FMNL2: variants seen among roughly 807,000 people sequenced by gnomAD.
The protein encoded by FMNL2 is formin-like protein 2.
In FMNL2, 51 loss-of-function variants were observed where a neutral mutation model predicts 130.2. The ratio of observed to expected loss-of-function variants is 0.39; its 90% CI spans 0.31 to 0.49. The LOEUF is 0.49. Ranked by LOEUF, FMNL2 falls within the 20% of genes least tolerant of loss-of-function variation. FMNL2 has a pLI of 0.85. For missense variants in FMNL2, 977 were observed against 1,316.2 expected (o/e 0.74, Z 3.99); for synonymous variants, 465 against 467.1 (o/e 1.00, Z 0.06).
chr2:152,642,056 T>G (rs1421986781), intron 25 of FMNL2, among the ~76,000 whole-genome samples: 1 of 152,110 alleles, frequency 6.6e-6, no homozygotes, highest in African/African-American at 2.4e-5. Flanking sequence ...TTCTTCTGCC[T>G]CAGCCTCCCA....
intron 1 of FMNL2, among the ~76,000 whole-genome samples, chr2:152,481,290 C>G (rs1306486272): frequency 2.0e-5 from 3 of 152,226 alleles, no homozygotes; most frequent in African/African-American, 4.8e-5. Context: ...TTAATTGAAA[C>G]TATCCAGTTT....
chr2:152,553,519 T>C (rs369789447), intron 4 of FMNL2, among the ~76,000 whole-genome samples: 3 of 151,720 alleles, frequency 2.0e-5, no homozygotes, highest in African/African-American at 7.3e-5. Context: ...TAAAATTTAT[T>C]ACTAAACCAG....
intron 1 of FMNL2, among the ~76,000 whole-genome samples, chr2:152,371,519 A>G (rs1228390207): frequency 4.6e-5 from 7 of 151,876 alleles, no homozygotes; most frequent in Non-Finnish European, 1.0e-4. Context: ...AAGTACAAAA[A>G]TTAGCTGGGC....
chr2:152,445,776 A>T (rs1303930622), intron 1 of FMNL2, among the ~76,000 whole-genome samples: 1 of 152,170 alleles, frequency 6.6e-6, no homozygotes, highest in Non-Finnish European at 1.5e-5. Context: ...TCACCACTGT[A>T]GACTTTGTTC....
intron 1 of FMNL2, among the ~76,000 whole-genome samples, chr2:152,424,075 G>A (rs749685655): frequency 3.0e-4 from 45 of 152,106 alleles, no homozygotes; most frequent in Non-Finnish European, 5.1e-4. Context: ...AAGTTCAGCT[G>A]TTCACTAAAA....
At position 152,637,636 on chromosome 2, in the gene FMNL2, T is replaced by G; in HGVS notation, c.2908T>G (p.Phe970Val). 1 of 1,614,020 alleles carries G rather than the reference T, an allele frequency of 6.2e-7. No homozygotes were observed. Among genetic ancestry groups the G allele is most frequent in the Non-Finnish European group, 8.5e-7 (1 of 1,179,878 alleles). The change falls in exon 23 of 26, where the codon TTC becomes GTC. Residue 970 changes from phenylalanine (F) to valine (V), a missense_variant. Phe to Val is a conservative substitution (Grantham distance 50). Around this residue, in one of 4 missense-constraint regions of FMNL2, gnomAD observed 168 missense variants for 168.8 expected, o/e 1.00. Coordinates refer to ENST00000288670, the MANE Select transcript of FMNL2 (RefSeq NM_052905.4). ...CCCCAAGACAACACCACCCTCTGTC[T>G]TCTTTCCTGTCTTTGTCCGGTTTGT... ...ENPKTTPPSVFFPVFVRFVKA... is the reference protein window; with the variant it reads ...ENPKTTPPSVVFPVFVRFVKA...
At chr2:152,586,998 T>G (rs1697117772) in intron 9 of FMNL2, among the ~76,000 whole-genome samples, 1 of 152,152 alleles carries the variant, frequency 6.6e-6, no homozygotes, top group African/African-American at 2.4e-5. Flanking sequence ...GGAGGCTGTT[T>G]CACCCACATA....
chr2:152,485,490 C>T lies in FMNL2; in HGVS notation c.118-36453C>T, dbSNP rs915598361. Among the ~76,000 whole-genome samples, 4 of 152,060 alleles carry T rather than the reference C, an allele frequency of 2.6e-5. No individual in the cohort carries two copies. The South Asian group carries it at 8.3e-4, about 32-fold the overall frequency. On this transcript the variant is annotated intron_variant, in intron 1 of 25. Transcript: ENST00000288670. ...ATCGCTTGAGCCCAGGAGGTTGAGC[C>T]GTGATTGTGCCACTGCACTCCAGCC... is the stretch of plus-strand genomic sequence containing the variant.
intron 5 of FMNL2, among the ~76,000 whole-genome samples, chr2:152,559,157 A>G (rs1250048817): frequency 6.6e-6 from 1 of 152,226 alleles, no homozygotes; most frequent in African/African-American, 2.4e-5. Context: ...AGGCGATGCA[A>G]AAGAGTGACT....
chr2:152,370,517 G>T (rs1683816107), intron 1 of FMNL2, among the ~76,000 whole-genome samples: 3 of 152,150 alleles, frequency 2.0e-5, no homozygotes, highest in Admixed American at 1.3e-4. Flanking sequence ...GGACTACATT[G>T]ATTGAGTTGA....
chr2:152,478,456 T>C (rs1438994301), intron 1 of FMNL2, among the ~76,000 whole-genome samples: 1 of 151,902 alleles, frequency 6.6e-6, no homozygotes, highest in African/African-American at 2.4e-5. Flanking sequence ...CAGGCTGGTC[T>C]CAAACTCCTG....
chr2:152,637,537 A>C, intron 22 of FMNL2, 36 bp from the exon 23 acceptor site: 1 of 1,554,856 alleles, frequency 6.4e-7, no homozygotes, highest in Non-Finnish European at 8.9e-7. Context: ...CAAATGCCTA[A>C]CTAATGAAAC....
At chr2:152,558,009 C>T (rs1235053504) in intron 4 of FMNL2, among the ~76,000 whole-genome samples, 1 of 152,072 alleles carries the variant, frequency 6.6e-6, no homozygotes, top group Non-Finnish European at 1.5e-5. Flanking sequence ...GTTTGACCTC[C>T]CATCAGGATT....
At chr2:152,577,888 A>C (rs1266203470) in intron 7 of FMNL2, among the ~76,000 whole-genome samples, 1 of 152,150 alleles carries the variant, frequency 6.6e-6, no homozygotes, top group Non-Finnish European at 1.5e-5. Flanking sequence ...ATAGCAGAGA[A>C]ATGAGAGGCA....
At chr2:152,603,262 C>T (rs1698184656) in intron 9 of FMNL2, among the ~76,000 whole-genome samples, 2 of 152,134 alleles carry the variant, frequency 1.3e-5, no homozygotes, top group Non-Finnish European at 2.9e-5. Context: ...TCCTTCTAGT[C>T]CTTACCATGG....
intron 1 of FMNL2, among the ~76,000 whole-genome samples, chr2:152,356,021 T>C (rs1380852133): frequency 1.3e-5 from 2 of 152,248 alleles, no homozygotes; most frequent in Admixed American, 6.5e-5. Context: ...AAATAACTTA[T>C]AGTTTGCTTC....
chr2:152,440,955 C>G (rs1237236636), intron 1 of FMNL2, among the ~76,000 whole-genome samples: 1 of 152,190 alleles, frequency 6.6e-6, no homozygotes, highest in Non-Finnish European at 1.5e-5. Context: ...CAAAGAAAAA[C>G]TGCCTTCACC....
rs75810441 is a variant in FMNL2 at position 152,551,243 on chromosome 2, C to T, written c.359+2146C>T. ...ATGATCATTTCCAACACAAACTTGG[C>T]TGAATAGAAGAACCTTGGTTGGGTT... is the stretch of plus-strand genomic sequence containing the variant. On this transcript the variant is annotated intron_variant, in intron 4 of 25. Coordinates refer to ENST00000288670, the MANE Select transcript of FMNL2 (RefSeq NM_052905.4). Among the ~76,000 whole-genome samples the T allele has an allele frequency of 4.8e-3, 733 of 151,916 alleles. 3 individuals are homozygous for T. The highest frequency in any genetic ancestry group is 0.017 in the African/African-American group (702 of 41,424).
At chr2:152,399,578 G>GT (rs1255281547) in intron 1 of FMNL2, among the ~76,000 whole-genome samples, 3 of 152,000 alleles carry the variant, frequency 2.0e-5, no homozygotes, top group Admixed American at 6.6e-5. Flanking sequence ...CTGTTGACCA[G>GT]TTTTTTTTCT....
Sources: gnomAD v4.1 joint callset for allele counts (sites outside exome capture counted in the v4.1 genomes callset) on GRCh38, gnomAD v4.1.1 for gene constraint, gnomAD v4.1.1 regional missense constraint, MANE v1.5 for transcripts, NCBI Gene and HGNC (gene_info 2026-07-23, HGNC 2026-07-21) for gene names.